The following NXPH1 variants were observed in gnomAD, a reference collection of about 807,000 sequenced individuals.
NXPH1 encodes the protein neurexophilin 1, also known as neurexophilin-1.
Under a neutral mutation model 23.7 loss-of-function variants are expected in NXPH1, and 5 were observed. The ratio of observed to expected loss-of-function variants is 0.21; its 90% confidence interval spans 0.11 to 0.44. NXPH1 has a LOEUF of 0.44. Ranked by LOEUF, NXPH1 falls within the 20% of genes least tolerant of loss-of-function variation. NXPH1 has a pLI of 0.99. For synonymous variants in NXPH1, 144 were observed against 122.2 expected, an observed-to-expected ratio of 1.18 and a Z score of -1.18; for missense variants, 324 against 321.6, an observed-to-expected ratio of 1.01 and a Z score of -0.06.
chr7:8,658,727 G>A (rs368557404), intron 2 of NXPH1, among the ~76,000 whole-genome samples: 10 of 151,884 alleles, frequency 6.6e-5, no homozygotes, highest in African/African-American at 7.3e-5. Context: ...GTTACGTATC[G>A]TCCTTCTTTT....
intron 2 of NXPH1, among the ~76,000 whole-genome samples, chr7:8,678,123 C>A (rs1301446445): frequency 2.0e-5 from 3 of 152,078 alleles, no homozygotes; most frequent in Non-Finnish European, 4.4e-5. Flanking sequence ...ATACATTTAT[C>A]CTATTTCAAG....
At chr7:8,745,719 A>T (rs1376256327) in intron 2 of NXPH1, among the ~76,000 whole-genome samples, 3 of 111,846 alleles carry the variant, frequency 2.7e-5, no homozygotes, top group Non-Finnish European at 3.5e-5. Context: ...CGCCCAGCTA[A>T]TTTTTTTTTT....
chr7:8,705,085 G>C (rs1180380971), intron 2 of NXPH1, among the ~76,000 whole-genome samples: 1 of 152,104 alleles, frequency 6.6e-6, no homozygotes, highest in African/African-American at 2.4e-5. Flanking sequence ...AGTCAAAGTG[G>C]AGATTGTGCT....
intron 2 of NXPH1, among the ~76,000 whole-genome samples, chr7:8,601,951 C>G (rs1819372032): frequency 6.6e-6 from 1 of 152,216 alleles, no homozygotes; most frequent in Admixed American, 6.5e-5. Context: ...TTAATCAATA[C>G]TGAAAGTTAA....
At chr7:8,583,136 G>C (rs956613240) in intron 2 of NXPH1, among the ~76,000 whole-genome samples, 1 of 152,196 alleles carries the variant, frequency 6.6e-6, no homozygotes, top group African/African-American at 2.4e-5. Context: ...GTATAGGCTG[G>C]ATGCTTTCTT....
chr7:8,616,637 C>A (rs938902610), intron 2 of NXPH1, among the ~76,000 whole-genome samples: 2 of 151,808 alleles, frequency 1.3e-5, no homozygotes, highest in African/African-American at 4.8e-5. Flanking sequence ...GTAAGGGCCC[C>A]AAGGCAGGTA....
intron 2 of NXPH1, among the ~76,000 whole-genome samples, chr7:8,552,531 T>C (rs984784609): frequency 1.3e-5 from 2 of 151,472 alleles, no homozygotes; most frequent in Non-Finnish European, 3.0e-5. Flanking sequence ...CCAGGTAATA[T>C]GGGTACCATT....
intron 2 of NXPH1, among the ~76,000 whole-genome samples, chr7:8,630,030 C>A (rs762967279): frequency 3.9e-4 from 60 of 152,028 alleles, no homozygotes; most frequent in Admixed American, 9.2e-4. Context: ...ACATTTTACT[C>A]CCCCACATTT....
chr7:8,470,538 G>GA (rs1816856127), intron 2 of NXPH1, among the ~76,000 whole-genome samples: 1 of 152,102 alleles, frequency 6.6e-6, no homozygotes, highest in South Asian at 2.1e-4. Flanking sequence ...GCTTTGTAGG[G>GA]AAAAAATGCA....
chr7:8,751,778 A>T lies in NXPH1; in HGVS notation c.*9A>T. 1.2e-6 allele frequency: 2 copies of T among 1,601,682 alleles called. No homozygotes were observed. Among genetic ancestry groups the T allele is most frequent in the Non-Finnish European group, 1.7e-6 (2 of 1,174,390 alleles). On this transcript the variant is annotated 3_prime_UTR_variant, in exon 3 of 3. Transcript: ENST00000405863. This position sits in a 1 kb window ranked among gnomAD's most constrained non-coding sequence, Gnocchi z 4.5. ...ACTTTCCCTCGGGATGAAGGTGAAC[A>T]TGGGGGTGAGACTGAAGCCTGAGGA...
At chr7:8,656,001 G>A (rs900810487) in intron 2 of NXPH1, among the ~76,000 whole-genome samples, 2 of 152,146 alleles carry the variant, frequency 1.3e-5, no homozygotes, top group African/African-American at 4.8e-5. Flanking sequence ...ACTATATGGG[G>A]CTAGGAAGGC....
chr7:8,503,811 A>G (rs1286145113), intron 2 of NXPH1, among the ~76,000 whole-genome samples: 1 of 151,998 alleles, frequency 6.6e-6, no homozygotes, highest in African/African-American at 2.4e-5. Context: ...CATCCGGAAC[A>G]CCATCACTGC....
chr7:8,668,265 T>TTG (rs1554264263), intron 2 of NXPH1, among the ~76,000 whole-genome samples: 1 of 85,106 alleles, frequency 1.2e-5, no homozygotes, highest in African/African-American at 3.3e-5. Flanking sequence ...TGTTTTTTTT[T>TTG]TTTTATTTTG....
intron 2 of NXPH1, among the ~76,000 whole-genome samples, chr7:8,482,649 C>T (rs1247975754): frequency 1.3e-5 from 2 of 152,146 alleles, no homozygotes; most frequent in Non-Finnish European, 2.9e-5. Flanking sequence ...GTACAAAAGG[C>T]CAATAATGCT....
intron 2 of NXPH1, among the ~76,000 whole-genome samples, chr7:8,729,832 G>A (rs1458183267): frequency 6.6e-6 from 1 of 151,790 alleles, no homozygotes. Flanking sequence ...TTGGGGTGGA[G>A]AGTTCTGTAG....
chr7:8,734,805 C>T (rs1780220729), intron 2 of NXPH1, among the ~76,000 whole-genome samples: 1 of 152,104 alleles, frequency 6.6e-6, no homozygotes, highest in African/African-American at 2.4e-5. Flanking sequence ...TAAAGACTCC[C>T]ACTTTTGTGT....
chr7:8,730,571 A>C (rs1006797531), intron 2 of NXPH1, among the ~76,000 whole-genome samples: 6 of 151,952 alleles, frequency 3.9e-5, no homozygotes, highest in African/African-American at 1.5e-4. Context: ...GCTTGTCTGT[A>C]AAGTACTTTA....
chr7:8,553,110 A>G (rs1355445357), intron 2 of NXPH1, among the ~76,000 whole-genome samples: 1 of 151,578 alleles, frequency 6.6e-6, no homozygotes, highest in Non-Finnish European at 1.5e-5. Context: ...AGCAGTTTTT[A>G]GTGAAGCTGT....
intron 2 of NXPH1, among the ~76,000 whole-genome samples, chr7:8,554,920 T>C (rs1818332861): frequency 6.6e-6 from 1 of 151,702 alleles, no homozygotes; most frequent in Non-Finnish European, 1.5e-5. Flanking sequence ...GGATATCAAA[T>C]TGATGGAAAT....
Sources: allele counts gnomAD v4.1 joint callset (sites outside exome capture counted in the v4.1 genomes callset), GRCh38; gene constraint gnomAD v4.1.1; non-coding constraint Gnocchi (gnomAD v3.1); transcripts MANE v1.5; gene names NCBI Gene and HGNC (gene_info 2026-07-23, HGNC 2026-07-21).